The following MEIG1 variants were observed in gnomAD, a reference collection of about 807,000 sequenced individuals.
MEIG1 encodes the protein meiosis expressed gene 1 protein homolog.
In MEIG1, 12 loss-of-function variants were observed where a neutral mutation model predicts 11.3. The observed-to-expected ratio is 1.07, with a 90% CI of 0.68 to 1.73. The LOEUF (loss-of-function observed/expected upper bound fraction) is 1.73, where lower values mean the gene tolerates loss of function less well. MEIG1 is among the 40% of genes most tolerant of loss of function. The pLI is 0.00. For missense variants in MEIG1, 119 were observed against 104.9 expected, an observed-to-expected ratio of 1.13 and a Z score of -0.59; for synonymous variants, 41 against 33.2, an observed-to-expected ratio of 1.24 and a Z score of -0.81.
downstream of MEIG1, among the ~76,000 whole-genome samples, chr10:14,974,888 G>A (rs567059235): frequency 1.3e-5 from 2 of 151,916 alleles, no homozygotes; most frequent in Admixed American, 6.6e-5. Flanking sequence ...ATTGGTAATA[G>A]ATATTCATGT....
intron 2 of MEIG1, among the ~76,000 whole-genome samples, chr10:14,971,836 A>G (rs1412067218): frequency 6.6e-6 from 1 of 152,144 alleles, no homozygotes; most frequent in Non-Finnish European, 1.5e-5. Flanking sequence ...TAGAAATTGG[A>G]GCTGGGTGCA....
chr10:14,976,173 T>C (rs1843207870), downstream of MEIG1, among the ~76,000 whole-genome samples: 1 of 152,168 alleles, frequency 6.6e-6, no homozygotes, highest in African/African-American at 2.4e-5. Context: ...GGATCTTTTC[T>C]CTACTGCCAT....
intron 1 of MEIG1, among the ~76,000 whole-genome samples, chr10:14,980,800 C>T (rs548286277): frequency 3.3e-5 from 5 of 152,150 alleles, no homozygotes; most frequent in Non-Finnish European, 7.3e-5. Flanking sequence ...TCCGGACCTT[C>T]CCACTGAAAG....
At chr10:14,979,692 A>C (rs1408930723) in intron 1 of MEIG1, among the ~76,000 whole-genome samples, 1 of 151,924 alleles carries the variant, frequency 6.6e-6, no homozygotes, top group Non-Finnish European at 1.5e-5. Flanking sequence ...TCCTAAAGAG[A>C]TGTTATCTTA....
At chr10:14,971,236 T>TAATAATAATAATAATAACAAC (rs1554806491) in intron 2 of MEIG1, among the ~76,000 whole-genome samples, 1 of 148,242 alleles carries the variant, frequency 6.7e-6, no homozygotes, top group African/African-American at 2.5e-5. Flanking sequence ...ATAATAATAA[T>TAATAATAATAATAATAACAAC]AACAACAATA....
intron 1 of MEIG1, among the ~76,000 whole-genome samples, chr10:14,985,864 T>C (rs34765369): frequency 0.18 from 27,463 of 151,904 alleles, 2,619 homozygotes; most frequent in Middle Eastern, 0.28. Context: ...ATTCATAATA[T>C]CCTAGGGAGA....
intron 1 of MEIG1, among the ~76,000 whole-genome samples, chr10:14,982,739 G>A (rs1316288017): frequency 1.3e-5 from 2 of 151,982 alleles, no homozygotes; most frequent in Non-Finnish European, 2.9e-5. Context: ...AATATCAATT[G>A]TTAATTGATA....
chr10:14,955,031 A>G (rs1842903146), upstream of MEIG1, among the ~76,000 whole-genome samples: 1 of 152,188 alleles, frequency 6.6e-6, no homozygotes. Flanking sequence ...TCCCGGGTTC[A>G]GGCGATTCTC....
At chr10:14,961,770 G>A (rs1016477916) in intron 1 of MEIG1, among the ~76,000 whole-genome samples, 12 of 148,182 alleles carry the variant, frequency 8.1e-5, no homozygotes, top group African/African-American at 2.5e-4. Flanking sequence ...GTGAGCCACC[G>A]CACATGGCCA....
At chr10:14,970,723 A>G (rs1325279062) in intron 2 of MEIG1, among the ~76,000 whole-genome samples, 8 of 152,212 alleles carry the variant, frequency 5.3e-5, no homozygotes, top group Admixed American at 5.2e-4. Flanking sequence ...AAAGTAAAAG[A>G]CATGTGGACA....
chr10:14,966,107 A>G (rs1843080456), intron 1 of MEIG1, among the ~76,000 whole-genome samples: 2 of 120,094 alleles, frequency 1.7e-5, no homozygotes, highest in South Asian at 5.3e-4. Flanking sequence ...TCTGTCACCC[A>G]GCTTGGAGTG....
At chr10:14,979,523 A>G (rs1843243561) in intron 1 of MEIG1, among the ~76,000 whole-genome samples, 1 of 151,746 alleles carries the variant, frequency 6.6e-6, no homozygotes, top group Non-Finnish European at 1.5e-5. Context: ...CCAACGTCAC[A>G]GGGGTGTACA....
At chr10:14,964,969 T>C (rs7099546) in intron 1 of MEIG1, among the ~76,000 whole-genome samples, 92,131 of 151,420 alleles carry the variant, frequency 0.61, 28,765 homozygotes, top group Non-Finnish European at 0.68. Context: ...GTATTTTTAA[T>C]AGAGACGGGG....
chr10:14,980,482 C>G (rs1037513698), intron 1 of MEIG1, among the ~76,000 whole-genome samples: 1 of 152,126 alleles, frequency 6.6e-6, no homozygotes, highest in Non-Finnish European at 1.5e-5. Context: ...ATCGCAGGGG[C>G]TGTACACCTT....
intron 2 of MEIG1, among the ~76,000 whole-genome samples, chr10:14,970,758 C>T (rs1248756508): frequency 6.6e-6 from 1 of 152,200 alleles, no homozygotes; most frequent in Non-Finnish European, 1.5e-5. Flanking sequence ...ATCTCCTCTT[C>T]CTACTGAAAG....
At chr10:14,976,643 T>G (rs185106994), downstream of MEIG1, among the ~76,000 whole-genome samples, 1 of 152,208 alleles carries the variant, frequency 6.6e-6, no homozygotes, top group African/African-American at 2.4e-5. Context: ...TCACAGAGGG[T>G]GTACACCTTG....
intron 1 of MEIG1, 29 bp from the exon 2 acceptor site, chr10:14,966,411 T>C: frequency 6.8e-7 from 1 of 1,469,162 alleles, no homozygotes; most frequent in South Asian, 1.3e-5. Context: ...TATTACATTA[T>C]CCATTAATGT....
chr10:14,972,175 C>A (rs1212747310), intron 2 of MEIG1, among the ~76,000 whole-genome samples: 3 of 152,064 alleles, frequency 2.0e-5, no homozygotes, highest in Non-Finnish European at 4.4e-5. Context: ...CCACCACACC[C>A]AGCTAATTTT....
At chr10:14,964,014 C>G (rs1843047279) in intron 1 of MEIG1, among the ~76,000 whole-genome samples, 1 of 150,182 alleles carries the variant, frequency 6.7e-6, no homozygotes, top group African/African-American at 2.5e-5. Context: ...AGGAGAATAG[C>G]ATGAACCTGG....
Sources: gnomAD v4.1 joint callset for allele counts (sites outside exome capture counted in the v4.1 genomes callset) on GRCh38, gnomAD v4.1.1 for gene constraint, MANE v1.5 for transcripts, NCBI Gene and HGNC (gene_info 2026-07-23, HGNC 2026-07-21) for gene names.